The following AXDND1 variants were observed in gnomAD, a reference collection of about 807,000 sequenced individuals.
AXDND1 encodes axonemal dynein light chain domain containing 1, also known as axonemal dynein light chain domain-containing protein 1.
AXDND1 carries 110 observed loss-of-function variants against 137.5 expected under a neutral mutation model. The observed-to-expected ratio is 0.80, with a 90% confidence interval of 0.69 to 0.94. AXDND1 has a LOEUF of 0.94. Among genes scored for constraint, AXDND1 ranks in the 40% least tolerant of loss-of-function variants. The pLI, the probability that AXDND1 is intolerant of heterozygous loss-of-function variation, is 0.00. For missense variants in AXDND1, 1,191 were observed against 1,169.8 expected (o/e 1.02, Z -0.26); for synonymous variants, 414 against 399.7 (o/e 1.04, Z -0.43).
Position 179,554,480 on chromosome 1 carries a change from C to G in AXDND1, c.3032-32C>G, listed in dbSNP as rs369697947. 382 of 1,614,014 alleles carry G rather than the reference C, an allele frequency of 2.4e-4. No homozygotes were observed. Among genetic ancestry groups the G allele is most frequent in the Admixed American group, 6.3e-4 (38 of 60,000 alleles). ...GCTAGTTAATTTCCTACCCACATTT[C>G]TATTCTCTCCACTTTGATTCCCCAA... On this transcript the variant is annotated intron_variant, in intron 25 of 25. Coordinates refer to ENST00000367618, the MANE Select transcript of AXDND1 (RefSeq NM_144696.6).
chr1:179,383,294 G>T, intron 7 of AXDND1, 148 bp from the exon 8 acceptor site: 2 of 581,960 alleles, frequency 3.4e-6, no homozygotes, highest in Non-Finnish European at 6.0e-6. Flanking sequence ...TCTCCCAATA[G>T]ATTAATAGAC....
At chr1:179,368,312 T>C (rs752157211) in intron 2 of AXDND1, among the ~76,000 whole-genome samples, 3 of 152,220 alleles carry the variant, frequency 2.0e-5, no homozygotes, top group South Asian at 2.1e-4. Flanking sequence ...CCATCTTTAC[T>C]TTTAAGCCCA....
chr1:179,422,034 C>T (rs1419206932), intron 12 of AXDND1, among the ~76,000 whole-genome samples: 10 of 124,690 alleles, frequency 8.0e-5, no homozygotes, highest in Admixed American at 1.7e-4. Context: ...GAACGAAACT[C>T]CATCTCAAAA....
At position 179,378,627 on chromosome 1, in the gene AXDND1, T is replaced by C; in HGVS notation, c.375-10T>C. The C allele has an allele frequency of 6.4e-7, 1 of 1,565,114 alleles. No homozygotes were observed. The highest frequency in any genetic ancestry group is 8.7e-7 in the Non-Finnish European group (1 of 1,152,864). ...ATTTGTTTTGTAAATATATTTTTCTTACTTTTTAGGGATATTTCTTTTCTG... is the reference window on the plus strand; with the variant it reads ...ATTTGTTTTGTAAATATATTTTTCTCACTTTTTAGGGATATTTCTTTTCTG... On this transcript the variant is annotated splice_polypyrimidine_tract_variant and intron_variant, in intron 4 of 25. Transcript: ENST00000367618.
chr1:179,459,570 A>G (rs981008380), intron 16 of AXDND1, among the ~76,000 whole-genome samples: 2 of 151,886 alleles, frequency 1.3e-5, no homozygotes, highest in African/African-American at 4.8e-5. Flanking sequence ...CTACGTTTGC[A>G]TTTGCTTTCT....
At chr1:179,477,335 A>G (rs544685784) in intron 17 of AXDND1, among the ~76,000 whole-genome samples, 1 of 152,272 alleles carries the variant, frequency 6.6e-6, no homozygotes, top group South Asian at 2.1e-4. Flanking sequence ...CACTGTTGAT[A>G]AAGACATACC....
At chr1:179,471,169 A>G (rs1248458687) in intron 17 of AXDND1, among the ~76,000 whole-genome samples, 2 of 152,194 alleles carry the variant, frequency 1.3e-5, no homozygotes, top group African/African-American at 4.8e-5. Flanking sequence ...GGTATTCATA[A>G]GAGACATTGG....
chr1:179,514,151 G>C (rs1669300628), intron 21 of AXDND1, among the ~76,000 whole-genome samples: 1 of 151,984 alleles, frequency 6.6e-6, no homozygotes, highest in Non-Finnish European at 1.5e-5. Flanking sequence ...GTTCCTTGAG[G>C]TGTGACCTTA....
intron 20 of AXDND1, chr1:179,506,780 T>C: frequency 3.7e-6 from 3 of 810,620 alleles, no homozygotes; most frequent in Middle Eastern, 6.2e-4. Context: ...ATCTCTGCCC[T>C]GTGTAGTCTG....
chr1:179,462,294 T>C (rs532650609), intron 16 of AXDND1, among the ~76,000 whole-genome samples: 1 of 152,336 alleles, frequency 6.6e-6, no homozygotes, highest in East Asian at 1.9e-4. Flanking sequence ...TCTGCATCTA[T>C]TGAGATAATC....
At chr1:179,373,074 T>A (rs1464285512) in intron 4 of AXDND1, among the ~76,000 whole-genome samples, 1 of 152,184 alleles carries the variant, frequency 6.6e-6, no homozygotes, top group African/African-American at 2.4e-5. Flanking sequence ...TCTTAAAGGT[T>A]CCACTTCATA....
chr1:179,426,018 G>T (rs1198067290), intron 12 of AXDND1, among the ~76,000 whole-genome samples: 1 of 151,816 alleles, frequency 6.6e-6, no homozygotes, highest in Non-Finnish European at 1.5e-5. Context: ...TGTATTTTTG[G>T]TAGAGACGGG....
intron 17 of AXDND1, among the ~76,000 whole-genome samples, chr1:179,470,031 C>A (rs942566290): frequency 1.3e-5 from 2 of 152,092 alleles, no homozygotes; most frequent in Admixed American, 1.3e-4. Flanking sequence ...CAATTTCATT[C>A]TTTTGCATGT....
chr1:179,432,451 T>C (rs1488904066), intron 15 of AXDND1, 109 bp downstream of exon 15: 2 of 1,367,230 alleles, frequency 1.5e-6, no homozygotes, highest in Non-Finnish European at 1.9e-6. Context: ...TGGGACGTTG[T>C]CTCACTCACT....
chr1:179,447,845 C>A (rs1659962337), intron 16 of AXDND1: 1 of 1,317,268 alleles, frequency 7.6e-7, no homozygotes, highest in African/African-American at 1.4e-5. Flanking sequence ...AACATCCCAC[C>A]TGCATTGCCA....
chr1:179,428,440 A>G (rs927635192), intron 12 of AXDND1, among the ~76,000 whole-genome samples: 36 of 152,372 alleles, frequency 2.4e-4, no homozygotes, highest in African/African-American at 8.4e-4. Flanking sequence ...GTCCATGTCT[A>G]TGTCCACAGT....
intron 20 of AXDND1, among the ~76,000 whole-genome samples, chr1:179,501,735 C>A (rs969266827): frequency 6.6e-6 from 1 of 151,722 alleles, no homozygotes; most frequent in South Asian, 2.1e-4. Flanking sequence ...AAAACAACAA[C>A]AAAAAAACTC....
chr1:179,536,390 A>G (rs1671563085), intron 25 of AXDND1, among the ~76,000 whole-genome samples: 1 of 152,186 alleles, frequency 6.6e-6, no homozygotes, highest in Non-Finnish European at 1.5e-5. Flanking sequence ...ATTTTTGTAT[A>G]AGGTGTAAGG....
At chr1:179,515,729 C>CA (rs1018177300) in intron 21 of AXDND1, among the ~76,000 whole-genome samples, 2 of 151,710 alleles carry the variant, frequency 1.3e-5, no homozygotes, top group Middle Eastern at 3.2e-3. Flanking sequence ...TTTTAATCCA[C>CA]AAAAAAATTA....
Sources: gnomAD v4.1 joint callset for allele counts (sites outside exome capture counted in the v4.1 genomes callset) on GRCh38, gnomAD v4.1.1 for gene constraint, MANE v1.5 for transcripts, NCBI Gene and HGNC (gene_info 2026-07-23, HGNC 2026-07-21) for gene names.